PTP4A3: variants seen among roughly 807,000 people sequenced by gnomAD.
PTP4A3 encodes the protein protein tyrosine phosphatase type IVA 3.
PTP4A3 carries 9 observed loss-of-function variants against 15.2 expected under a neutral mutation model. That is an observed-to-expected ratio of 0.59 (90% CI 0.36 to 1.03). The LOEUF (loss-of-function observed/expected upper bound fraction) is 1.03, where lower values mean the gene tolerates loss of function less well. PTP4A3 is among the 50% of genes least tolerant of loss of function. PTP4A3 has a pLI of 0.02. For synonymous variants in PTP4A3, 95 were observed against 102.0 expected (o/e 0.93, Z 0.41); for missense variants, 234 against 252.1 (o/e 0.93, Z 0.49).
intron 5 of PTP4A3, among the ~76,000 whole-genome samples, chr8:141,429,298 C>T (rs944706314): frequency 1.3e-5 from 2 of 152,268 alleles, no homozygotes; most frequent in Non-Finnish European, 2.9e-5. Context: ...ACTTCCTTGG[C>T]CAGGGCCAGC....
chr8:141,411,652 C>T (rs1832872502), intron 1 of PTP4A3, among the ~76,000 whole-genome samples: 1 of 152,226 alleles, frequency 6.6e-6, no homozygotes, highest in East Asian at 1.9e-4. Flanking sequence ...CAGGTCAGAG[C>T]TCTTTCCCGC....
chr8:141,397,837 C>T (rs1832491299), intron 1 of PTP4A3, among the ~76,000 whole-genome samples: 1 of 152,230 alleles, frequency 6.6e-6, no homozygotes, highest in South Asian at 2.1e-4. Context: ...CATTGCTCCT[C>T]CTGCTGCCCC....
At chr8:141,402,561 C>T (rs1212448819) in intron 1 of PTP4A3, among the ~76,000 whole-genome samples, 1 of 152,180 alleles carries the variant, frequency 6.6e-6, no homozygotes, top group Non-Finnish European at 1.5e-5. Flanking sequence ...GTGTTCTTGG[C>T]GGCCTCGCGC....
At chr8:141,409,715 C>T (rs1018820821) in intron 1 of PTP4A3, among the ~76,000 whole-genome samples, 3 of 152,236 alleles carry the variant, frequency 2.0e-5, no homozygotes, top group African/African-American at 7.2e-5. Flanking sequence ...TCTGATGGTT[C>T]CCCTCCTTCT....
At chr8:141,428,960 T>C (rs1833716555) in intron 5 of PTP4A3, among the ~76,000 whole-genome samples, 1 of 152,302 alleles carries the variant, frequency 6.6e-6, no homozygotes, top group African/African-American at 2.4e-5. Flanking sequence ...CCCCGGGTTC[T>C]CTCCCCACCC....
intron 1 of PTP4A3, among the ~76,000 whole-genome samples, chr8:141,413,746 G>A (rs1304492225): frequency 2.0e-5 from 3 of 152,246 alleles, no homozygotes; most frequent in African/African-American, 7.2e-5. Flanking sequence ...GAGTCCAGCT[G>A]TGTCTGTTCC....
intron 1 of PTP4A3, among the ~76,000 whole-genome samples, chr8:141,405,170 T>A (rs536629781): frequency 6.6e-6 from 1 of 152,274 alleles, no homozygotes; most frequent in African/African-American, 2.4e-5. Context: ...TGGGACTGTT[T>A]AGGGCTTTGG....
intron 4 of PTP4A3, among the ~76,000 whole-genome samples, chr8:141,427,534 C>T (rs1457438207): frequency 2.6e-5 from 4 of 152,206 alleles, no homozygotes; most frequent in African/African-American, 7.2e-5. Flanking sequence ...TTTAACCCTC[C>T]CCCAGCAGAT....
intron 1 of PTP4A3, among the ~76,000 whole-genome samples, chr8:141,409,311 A>T (rs1832807706): frequency 6.6e-6 from 1 of 152,118 alleles, no homozygotes; most frequent in Non-Finnish European, 1.5e-5. Context: ...CGGGGTAGGG[A>T]TCAGCTCCTG....
chr8:141,397,012 C>T (rs11989349), intron 1 of PTP4A3, among the ~76,000 whole-genome samples: 2,540 of 152,288 alleles, frequency 0.017, 80 homozygotes, highest in African/African-American at 0.058. Flanking sequence ...CCTCTCCTCC[C>T]TTGCTGTTTT....
chr8:141,401,646 C>T (rs1285580866), intron 1 of PTP4A3, among the ~76,000 whole-genome samples: 1 of 152,286 alleles, frequency 6.6e-6, no homozygotes, highest in South Asian at 2.1e-4. Flanking sequence ...CCCCTGGCCT[C>T]CCTGGCAGGA....
Position 141,401,076 on chromosome 8 carries a change from C to T in PTP4A3, c.-854+8992C>T, listed in dbSNP as rs57909897. ...ACGGCATCACTCTTAATGGCACCGTCGCGAGCCTCTTCTGGGCCAGCAGCC... is the reference window on the plus strand; with the variant it reads ...ACGGCATCACTCTTAATGGCACCGTTGCGAGCCTCTTCTGGGCCAGCAGCC... On this transcript the variant is annotated intron_variant, in intron 1 of 5. Transcript: ENST00000521578. 4.7e-3 allele frequency among the ~76,000 whole-genome samples: 720 copies of T among 152,226 alleles called. 3 individuals carry two copies. Among genetic ancestry groups the T allele is most frequent in the Middle Eastern group, 0.027 (8 of 294 alleles).
intron 1 of PTP4A3, among the ~76,000 whole-genome samples, chr8:141,414,564 G>C (rs1239655486): frequency 6.6e-6 from 1 of 152,056 alleles, no homozygotes; most frequent in East Asian, 1.9e-4. Flanking sequence ...GAGCAGGAGA[G>C]GTTCGGGCAG....
At chr8:141,400,201 T>C (rs1267231416) in intron 1 of PTP4A3, among the ~76,000 whole-genome samples, 2 of 152,166 alleles carry the variant, frequency 1.3e-5, no homozygotes, top group African/African-American at 4.8e-5. Context: ...CCCACCACTG[T>C]GCCTGGCCTG....
At position 141,431,070 on chromosome 8, in the gene PTP4A3, G is replaced by A. The variant is rs758211833; in HGVS notation, c.*26G>A. On this transcript the variant is annotated 3_prime_UTR_variant, in exon 6 of 6. Transcript: ENST00000521578. ...CTCAGGACCTTGGCTGGGCCTGGTC[G>A]TCATGTAGGTCAGGACCTTGGCTGG... is the stretch of plus-strand genomic sequence containing the variant. 6.9e-6 allele frequency: 11 copies of A among 1,604,826 alleles called. 1 individual carries two copies. In the East Asian group the frequency reaches 8.9e-5, roughly 13 times the overall value.
intron 5 of PTP4A3, among the ~76,000 whole-genome samples, chr8:141,429,617 G>A (rs1215496384): frequency 6.6e-6 from 1 of 150,908 alleles, no homozygotes; most frequent in Non-Finnish European, 1.5e-5. Context: ...CACAGCCCAC[G>A]TCCCCGCTGT....
rs1833500782 is a variant in PTP4A3 at position 141,425,003 on chromosome 8, T to C, written c.106-45T>C. ...TGAGTGGGTCCTGCCCCCTGAGCCCTGCAGCCCCAGCCCAGCCCTGCCTCC... is the reference window on the plus strand; with the variant it reads ...TGAGTGGGTCCTGCCCCCTGAGCCCCGCAGCCCCAGCCCAGCCCTGCCTCC... On this transcript the variant is annotated intron_variant, in intron 2 of 5. Transcript: ENST00000521578. This position sits in a 1 kb window ranked among gnomAD's most constrained non-coding sequence, Gnocchi z 4.2. 1 of 1,532,438 alleles carries C rather than the reference T, an allele frequency of 6.5e-7. No individual in the cohort carries two copies. The highest frequency in any genetic ancestry group is 1.7e-4 in the Middle Eastern group (1 of 5,820). 94.9% of individuals were successfully genotyped at this position (1,532,438 alleles called of 1,614,324 possible).
chr8:141,430,344 C>T (rs566873457), intron 5 of PTP4A3, among the ~76,000 whole-genome samples: 12 of 147,266 alleles, frequency 8.1e-5, no homozygotes, highest in East Asian at 2.1e-4. Flanking sequence ...TCCAGGTCCC[C>T]GCTGTAAGGA....
intron 1 of PTP4A3, among the ~76,000 whole-genome samples, chr8:141,393,505 C>G (rs1234689812): frequency 6.6e-6 from 1 of 152,232 alleles, no homozygotes; most frequent in African/African-American, 2.4e-5. Context: ...CTGTGCCAGG[C>G]CCAATGCTGG....
Sources: gnomAD v4.1 joint callset for allele counts (sites outside exome capture counted in the v4.1 genomes callset) on GRCh38, gnomAD v4.1.1 for gene constraint, Gnocchi (gnomAD v3.1) non-coding constraint, MANE v1.5 for transcripts, NCBI Gene and HGNC (gene_info 2026-07-23, HGNC 2026-07-21) for gene names.